The following VEPH1 variants were observed in gnomAD, a reference collection of about 807,000 sequenced individuals.
The protein encoded by VEPH1 is ventricular zone-expressed PH domain-containing protein homolog 1.
VEPH1 carries 80 observed loss-of-function variants against 85.2 expected under a neutral mutation model. The observed-to-expected ratio is 0.94, with a 90% confidence interval of 0.78 to 1.13. VEPH1 has a LOEUF of 1.13. Ranked by LOEUF, VEPH1 falls within the 50% of genes most tolerant of loss-of-function variation. VEPH1 has a pLI of 0.00. For synonymous variants in VEPH1, 297 were observed against 348.0 expected (o/e 0.85, Z 1.63); for missense variants, 955 against 980.5 (o/e 0.97, Z 0.35).
At position 157,481,479 on chromosome 3, in the gene VEPH1, A is replaced by C. The variant is rs1254804566; in HGVS notation, c.139-10950T>G. On this transcript the variant is annotated intron_variant, in intron 2 of 13. Coordinates refer to ENST00000362010, the MANE Select transcript of VEPH1 (RefSeq NM_001167912.2). ...ACACACACACACAAAAAAAAAAAAA[A>C]AAAAAAACAATCCTAAGCAAAAAGA... is the stretch of plus-strand genomic sequence containing the variant. Among the ~76,000 whole-genome samples the C allele has an allele frequency of 7.2e-4, 87 of 121,538 alleles. 1 individual carries two copies. The highest frequency in any genetic ancestry group is 3.0e-3 in the African/African-American group (79 of 26,222). 79.7% of individuals were successfully genotyped at this position (121,538 alleles called of 152,430 possible).
chr3:157,449,168 C>A (rs577040464), intron 4 of VEPH1, among the ~76,000 whole-genome samples: 2 of 152,270 alleles, frequency 1.3e-5, no homozygotes, highest in Admixed American at 6.5e-5. Flanking sequence ...CAAGTGACAT[C>A]CTTATCTTAT....
intron 1 of VEPH1, among the ~76,000 whole-genome samples, chr3:157,502,068 T>G (rs544615191): frequency 6.6e-6 from 1 of 152,326 alleles, no homozygotes; most frequent in South Asian, 2.1e-4. Context: ...AGATGTCTAT[T>G]GTTCCCTGGA....
chr3:157,409,748 T>G (rs1256757879), intron 6 of VEPH1: 3 of 985,192 alleles, frequency 3.0e-6, no homozygotes, highest in Admixed American at 6.2e-5. Flanking sequence ...AGCCCTGCAG[T>G]TCTTACACCT....
intron 12 of VEPH1, among the ~76,000 whole-genome samples, chr3:157,267,173 G>T (rs1193190504): frequency 7.5e-6 from 1 of 133,924 alleles, no homozygotes; most frequent in Admixed American, 8.6e-5. Context: ...TCAGCTCATT[G>T]CAACCTCCAC....
chr3:157,470,648 G>C, intron 2 of VEPH1, 119 bp from the exon 3 acceptor site: 4 of 892,476 alleles, frequency 4.5e-6, no homozygotes, highest in Non-Finnish European at 7.0e-6. Context: ...TAAGGGGTGA[G>C]GGTGTAAAGC....
At chr3:157,362,646 C>A (rs1726179013) in intron 9 of VEPH1, among the ~76,000 whole-genome samples, 1 of 152,088 alleles carries the variant, frequency 6.6e-6, no homozygotes, top group Non-Finnish European at 1.5e-5. Flanking sequence ...TTCAGTACAG[C>A]ATTCAATAAA....
chr3:157,456,075 T>C (rs987980481), intron 4 of VEPH1, among the ~76,000 whole-genome samples: 1 of 152,182 alleles, frequency 6.6e-6, no homozygotes, highest in African/African-American at 2.4e-5. Flanking sequence ...AATACACTGT[T>C]GTGAGATGGT....
chr3:157,355,925 G>A (rs1349407150), intron 9 of VEPH1, among the ~76,000 whole-genome samples: 1 of 148,310 alleles, frequency 6.7e-6, no homozygotes, highest in Non-Finnish European at 1.5e-5. Flanking sequence ...TTTGAGACTG[G>A]GTCTCTCTTT....
At chr3:157,371,745 C>G (rs1384117488) in intron 7 of VEPH1, among the ~76,000 whole-genome samples, 1 of 152,188 alleles carries the variant, frequency 6.6e-6, no homozygotes, top group Non-Finnish European at 1.5e-5. Context: ...AAGACTTAAT[C>G]TGTGGATTAT....
intron 6 of VEPH1, among the ~76,000 whole-genome samples, chr3:157,392,219 A>G (rs1313927148): frequency 6.6e-6 from 1 of 152,260 alleles, no homozygotes; most frequent in Non-Finnish European, 1.5e-5. Flanking sequence ...AAAACCTCAT[A>G]TATCAATATC....
chr3:157,429,077 T>G (rs1166770661), intron 4 of VEPH1, among the ~76,000 whole-genome samples: 1 of 152,224 alleles, frequency 6.6e-6, no homozygotes, highest in African/African-American at 2.4e-5. Flanking sequence ...TCACACATAA[T>G]TTCCTCAAAG....
chr3:157,287,019 G>A (rs1396100791), intron 11 of VEPH1, among the ~76,000 whole-genome samples: 1 of 152,136 alleles, frequency 6.6e-6, no homozygotes, highest in East Asian at 1.9e-4. Flanking sequence ...AATGTGGTTG[G>A]AAGACATGCT....
At chr3:157,286,260 T>C (rs986092997) in intron 12 of VEPH1, 3 of 316,362 alleles carry the variant, frequency 9.5e-6, no homozygotes, top group Non-Finnish European at 1.2e-5. Context: ...TTTTTTTCTC[T>C]CTAACCCTCA....
At chr3:157,491,674 G>A (rs1002155627) in intron 2 of VEPH1, among the ~76,000 whole-genome samples, 2 of 152,092 alleles carry the variant, frequency 1.3e-5, no homozygotes, top group Non-Finnish European at 2.9e-5. Context: ...AAAGCTGAAA[G>A]TGCTAAGTAA....
intron 11 of VEPH1, among the ~76,000 whole-genome samples, chr3:157,296,493 AC>A (rs1559933324): frequency 6.6e-6 from 1 of 152,178 alleles, no homozygotes; most frequent in African/African-American, 2.4e-5. Context: ...GTTGAGACTG[AC>A]CTTGGTGGTG....
intron 7 of VEPH1, among the ~76,000 whole-genome samples, chr3:157,366,236 T>C (rs1308866815): frequency 6.6e-6 from 1 of 152,214 alleles, no homozygotes; most frequent in Non-Finnish European, 1.5e-5. Flanking sequence ...CAAGATGGTC[T>C]AATGATTTTG....
chr3:157,324,269 G>T (rs538152485), intron 9 of VEPH1, among the ~76,000 whole-genome samples: 5 of 152,196 alleles, frequency 3.3e-5, no homozygotes, highest in East Asian at 1.9e-4. Context: ...TGTTGGCCAG[G>T]CTGGTCTTGA....
intron 2 of VEPH1, among the ~76,000 whole-genome samples, chr3:157,475,155 A>ATTT (rs557209438): frequency 3.9e-5 from 5 of 127,610 alleles, no homozygotes; most frequent in Admixed American, 1.6e-4. Context: ...AATTTTTTTA[A>ATTT]TTTTTTTTTT....
At chr3:157,366,763 CAAA>C (rs1325565155) in intron 7 of VEPH1, among the ~76,000 whole-genome samples, 1 of 151,910 alleles carries the variant, frequency 6.6e-6, no homozygotes, top group Admixed American at 6.6e-5. Flanking sequence ...ACAACAAAAA[CAAA>C]CAACAACAAC....
Sources: allele counts gnomAD v4.1 joint callset (sites outside exome capture counted in the v4.1 genomes callset), GRCh38; gene constraint gnomAD v4.1.1; transcripts MANE v1.5; gene names NCBI Gene and HGNC (gene_info 2026-07-23, HGNC 2026-07-21).